SH2B2: variants seen among roughly 807,000 people sequenced by gnomAD.
The protein encoded by SH2B2 is SH2B adaptor protein 2.
In SH2B2, 37 loss-of-function variants were observed where a neutral mutation model predicts 35.7. The observed-to-expected ratio is 1.04, with a 90% CI of 0.80 to 1.36. SH2B2 has a LOEUF of 1.36. Ranked by LOEUF, SH2B2 falls within the 40% of genes most tolerant of loss-of-function variation. SH2B2 has a pLI of 0.00. For synonymous variants in SH2B2, 383 were observed against 376.4 expected, an observed-to-expected ratio of 1.02 and a Z score of -0.20; for missense variants, 852 against 817.7, an observed-to-expected ratio of 1.04 and a Z score of -0.51.
At chr7:102,310,808 T>G (rs1055341745) in intron 4 of SH2B2, among the ~76,000 whole-genome samples, 1 of 152,286 alleles carries the variant, frequency 6.6e-6, no homozygotes, top group East Asian at 1.9e-4. Context: ...GAACCTCACT[T>G]AGTGGAATTT....
At chr7:102,307,235 CA>C (rs1269170671) in intron 3 of SH2B2, among the ~76,000 whole-genome samples, 2 of 152,220 alleles carry the variant, frequency 1.3e-5, no homozygotes, top group East Asian at 1.9e-4. Context: ...ACAGAGGGCA[CA>C]AAGGCATCAA....
At chr7:102,294,696 C>T (rs1197016785) in intron 1 of SH2B2, among the ~76,000 whole-genome samples, 2 of 152,194 alleles carry the variant, frequency 1.3e-5, no homozygotes, top group East Asian at 1.9e-4. Context: ...CCTGCCACAG[C>T]CAGGCCCCCT....
In SH2B2 at chr7:102,320,497, C is replaced by G. The variant is rs782437946; in HGVS notation, c.1562C>G (p.Pro521Arg). 2 of 1,611,296 alleles carry G rather than the reference C, an allele frequency of 1.2e-6. No individual in the cohort carries two copies. The highest frequency in any genetic ancestry group is 1.4e-5 in the African/African-American group (1 of 73,872). ...AGCTATGTGCGGGCCCAGGACCCCC[C>G]ACCAGGTAAGATGCCGCCACCTGGC... ...LRSYVRAQDP[P>R]PEPGPTPPAA... Residue 521 changes from proline (P) to arginine (R), a missense_variant, in exon 8 of 9, where the codon CCA becomes CGA. Around this residue, in one of 3 missense-constraint regions of SH2B2, gnomAD observed 556 missense variants for 514.5 expected, o/e 1.08. Transcript: ENST00000444095.
At chr7:102,312,998 A>G (rs944053119) in intron 4 of SH2B2, among the ~76,000 whole-genome samples, 21,765 of 151,714 alleles carry the variant, frequency 0.14, 1,672 homozygotes, top group East Asian at 0.33. Context: ...GCGTGGTGGT[A>G]CATGCCTGTA....
upstream of SH2B2, chr7:102,285,408 G>A: frequency 1.5e-6 from 1 of 661,554 alleles, no homozygotes; most frequent in Non-Finnish European, 2.7e-6. Context: ...TCCCAACCAG[G>A]CGTGCAGGCC....
chr7:102,286,005 G>A (rs919052607), upstream of SH2B2, among the ~76,000 whole-genome samples: 1 of 152,178 alleles, frequency 6.6e-6, no homozygotes, highest in African/African-American at 2.4e-5. Context: ...CAGCACCAGG[G>A]GTCAGGCTAC....
chr7:102,321,397 CCGCCTGCCT>C lies in SH2B2; in HGVS notation c.1671_1679del (p.Ala558_Pro560del), dbSNP rs1554558519. 1 of 1,376,592 alleles carries C rather than the reference CCGCCTGCCT, an allele frequency of 7.3e-7. No individual in the cohort carries two copies. Among genetic ancestry groups the C allele is most frequent in the East Asian group, 3.3e-5 (1 of 30,758 alleles). The allele number at this position is 1,376,592 out of a possible 1,614,324, so 85.3% of individuals were successfully genotyped here. The stretch of plus-strand genomic sequence containing the variant: ...CTCCAGCCTCGCCGCGGCCGCCTGC[CCGCCTGCCT>C]CGCCCTCCGACGCCGCCGGCGCCTC... On this transcript the variant is annotated inframe_deletion, in exon 9 of 9. Transcript: ENST00000444095.
At chr7:102,299,522 C>G (rs1460564525) in intron 1 of SH2B2, among the ~76,000 whole-genome samples, 1 of 152,044 alleles carries the variant, frequency 6.6e-6, no homozygotes, top group Non-Finnish European at 1.5e-5. Flanking sequence ...AATGACTGGG[C>G]TCCTGGGAGG....
At chr7:102,312,305 G>A (rs1586596738) in intron 4 of SH2B2, among the ~76,000 whole-genome samples, 4 of 152,214 alleles carry the variant, frequency 2.6e-5, no homozygotes, top group African/African-American at 7.2e-5. Flanking sequence ...AACCTGGGAG[G>A]CAGAGGTTGC....
intron 1 of SH2B2, among the ~76,000 whole-genome samples, chr7:102,292,714 G>C (rs1348035028): frequency 1.3e-5 from 2 of 152,090 alleles, no homozygotes; most frequent in African/African-American, 4.8e-5. Flanking sequence ...AAAAAGAAAA[G>C]GCCTCAGTTT....
At chr7:102,313,309 A>C (rs1258392585) in intron 4 of SH2B2, among the ~76,000 whole-genome samples, 3 of 149,996 alleles carry the variant, frequency 2.0e-5, no homozygotes, top group Non-Finnish European at 4.4e-5. Flanking sequence ...TTAGCTGGGC[A>C]TGGTGGCGCA....
intron 7 of SH2B2, among the ~76,000 whole-genome samples, 199 bp downstream of exon 7, chr7:102,317,594 G>T (rs1554557358): frequency 1.3e-5 from 2 of 152,188 alleles, no homozygotes; most frequent in African/African-American, 2.4e-5. Flanking sequence ...AGGGACTGCA[G>T]TCAGCCCTAT....
At chr7:102,307,932 G>A (rs1181709650) in intron 3 of SH2B2, among the ~76,000 whole-genome samples, 8 of 151,976 alleles carry the variant, frequency 5.3e-5, no homozygotes, top group Middle Eastern at 6.3e-3. Context: ...CACCATGCTT[G>A]GCTAATTTCT....
intron 3 of SH2B2, among the ~76,000 whole-genome samples, chr7:102,308,383 A>T (rs1793484406): frequency 6.6e-6 from 1 of 152,070 alleles, no homozygotes; most frequent in South Asian, 2.1e-4. Context: ...TGCCGGTAGA[A>T]CTCCAGGCAC....
intron 1 of SH2B2, among the ~76,000 whole-genome samples, chr7:102,289,555 G>A (rs1485410603): frequency 2.6e-5 from 4 of 152,164 alleles, no homozygotes; most frequent in African/African-American, 9.7e-5. Flanking sequence ...CAGGCTGGGA[G>A]TTGAGCTCAG....
chr7:102,301,176 C>A lies in SH2B2; in HGVS notation c.626C>A (p.Ala209Asp). 3 of 1,576,490 alleles carry A rather than the reference C, an allele frequency of 1.9e-6. No individual in the cohort carries two copies. The highest frequency in any genetic ancestry group is 1.9e-5 in the Admixed American group (1 of 54,010). Reference protein sequence around the residue: ...ALRFMVADDAAAGSGGSAQWQ... With the variant: ...ALRFMVADDADAGSGGSAQWQ... ...CGCTTCATGGTGGCCGACGACGCGG[C>A]CGCGGGCTCCGGGGGCTCGGCTCAG... Residue 209 changes from alanine to aspartate, a missense_variant, in exon 2 of 9, where the codon GCC becomes GAC. Physicochemically the swap from Ala to Asp is moderately radical, Grantham distance 126. Around this residue, in one of 3 missense-constraint regions of SH2B2, gnomAD observed 556 missense variants for 514.5 expected, o/e 1.08. Transcript: ENST00000444095.
rs187722246 is a variant in SH2B2 at position 102,310,782 on chromosome 7, C to T, written c.923+1876C>T. 1.5e-3 allele frequency among the ~76,000 whole-genome samples: 231 copies of T among 152,362 alleles called. 1 individual carries two copies. Among genetic ancestry groups the T allele is most frequent in the Middle Eastern group, 6.8e-3 (2 of 294 alleles). On this transcript the variant is annotated intron_variant, in intron 4 of 8. Transcript: ENST00000444095. Reference sequence around the variant, plus strand: ...CCATCTGCTCTGCAAACTCTTTCCCCAGCCGCTGTGAAGGTGAACCTCACT... The same window carrying T: ...CCATCTGCTCTGCAAACTCTTTCCCTAGCCGCTGTGAAGGTGAACCTCACT...
In SH2B2 at chr7:102,314,492, C is replaced by G; in HGVS notation, c.1016-20C>G. 7.5e-6 allele frequency: 3 copies of G among 398,684 alleles called. No individual in the cohort carries two copies. The South Asian group carries it at 3.8e-4, about 51-fold the overall frequency. The allele number at this position is 398,684 out of a possible 1,614,324, so 24.7% of individuals were successfully genotyped here. On this transcript the variant is annotated intron_variant, in intron 5 of 8. Transcript: ENST00000444095. ...GGTGGACAGATAAAGATACGTGCAT[C>G]TTACCTGCCACTTCCCCAGCAGTCG... is the stretch of plus-strand genomic sequence containing the variant.
rs879236450 is a variant in SH2B2 at position 102,314,890 on chromosome 7, T to C, written c.1186+208T>C. Among the ~76,000 whole-genome samples the C allele has an allele frequency of 7.2e-3, 1,089 of 152,306 alleles. 19 individuals carry two copies. The highest frequency in any genetic ancestry group is 0.025 in the African/African-American group (1,047 of 41,572). On this transcript the variant is annotated intron_variant, in intron 6 of 8. Coordinates refer to ENST00000444095, the MANE Select transcript of SH2B2 (RefSeq NM_001359228.2). ...CCCCTCCCACTGGACCCAGTTTCAA[T>C]AGAAAATGTTCACAGGGGCCGGGTG...
Sources: allele counts gnomAD v4.1 joint callset (sites outside exome capture counted in the v4.1 genomes callset), GRCh38; gene constraint gnomAD v4.1.1; regional missense constraint gnomAD v4.1.1; transcripts MANE v1.5; gene names NCBI Gene and HGNC (gene_info 2026-07-23, HGNC 2026-07-21).